Variants in NSUN6 observed in about 807,000 individuals in gnomAD.
NSUN6 encodes tRNA (cytosine(72)-C(5))-methyltransferase NSUN6.
In NSUN6, 64 loss-of-function variants were observed where a neutral mutation model predicts 58.0. The observed-to-expected ratio is 1.10, with a 90% CI of 0.90 to 1.36. The LOEUF is 1.36. NSUN6 is among the 40% of genes most tolerant of loss of function. The pLI is 0.00. For missense variants in NSUN6, 701 were observed against 550.1 expected (o/e 1.27, Z -2.74); for synonymous variants, 231 against 193.9 (o/e 1.19, Z -1.59).
chr10:18,545,977 T>A lies in NSUN6; in HGVS notation c.1366A>T (p.Ile456Leu). ...ACAAATTTTGCAATAAAAAAACCTA[T>A]AGAGTCCTTATTAGCCAGACGCAAC... ...DMLRLANKDS[I>L]GFFIAKFVKC... Residue 456 changes from isoleucine to leucine, a missense_variant, in exon 11 of 11, where the codon ATA becomes TTA. Physicochemically the swap from Ile to Leu is conservative, Grantham distance 5. Coordinates refer to ENST00000377304, the MANE Select transcript of NSUN6 (RefSeq NM_182543.5). 1 of 1,584,256 alleles carries A rather than the reference T, an allele frequency of 6.3e-7. No individual in the cohort carries two copies. Among genetic ancestry groups the A allele is most frequent in the Non-Finnish European group, 8.5e-7 (1 of 1,172,070 alleles).
chr10:18,546,992 C>T lies in NSUN6; in HGVS notation c.1198-847G>A, dbSNP rs1376455080. On this transcript the variant is annotated intron_variant, in intron 10 of 10. Transcript: ENST00000377304. ...AAAAAAGAAAGCAACAGAAAAAATT[C>T]AGCTTTATTTAACAGTTTCCAAAAC... 2.0e-5 allele frequency among the ~76,000 whole-genome samples: 3 copies of T among 151,966 alleles called. No homozygotes were observed. The East Asian group carries it at 5.8e-4, about 29-fold the overall frequency.
chr10:18,630,038 A>C (rs924988588), intron 3 of NSUN6, among the ~76,000 whole-genome samples: 11 of 148,574 alleles, frequency 7.4e-5, no homozygotes, highest in African/African-American at 1.7e-4. Flanking sequence ...AAAGAACAGA[A>C]ATTATAACAA....
chr10:18,609,897 A>G lies in NSUN6; in HGVS notation c.605T>C (p.Val202Ala), dbSNP rs2058172710. The change falls in exon 6 of 11, where the codon GTA becomes GCA. Residue 202 changes from valine to alanine, a missense_variant. By Grantham distance (64) the Val-to-Ala change is moderately conservative (BLOSUM62 0). Transcript: ENST00000377304. ...KGMGIRMTEP[V>A]YLSPSFDSVL... The stretch of plus-strand genomic sequence containing the variant: ...ACTGTCAAATGAAGGGCTGAGATAT[A>G]CTGGTTCTGTCATTCTTATGCCCAT... The G allele has an allele frequency of 1.2e-6, 2 of 1,604,568 alleles. No individual in the cohort carries two copies. The highest frequency in any genetic ancestry group is 1.3e-5 in the African/African-American group (1 of 74,746).
chr10:18,630,934 G>C (rs1370837069), intron 3 of NSUN6, among the ~76,000 whole-genome samples: 2 of 151,708 alleles, frequency 1.3e-5, no homozygotes, highest in Non-Finnish European at 2.9e-5. Context: ...ACCAAAGCTG[G>C]GCAGAGACAC....
At position 18,548,184 on chromosome 10, in the gene NSUN6, T is replaced by TA. The variant is rs2054397608; in HGVS notation, c.1124dup (p.Thr376AsnfsTer6). The stretch of plus-strand genomic sequence containing the variant: ...CCTGTTCTTCATTTTCGGCCAGTGT[T>TA]ATAGTGCACGTGCTATAAACCAGCA... On this transcript the variant is annotated frameshift_variant, in exon 10 of 11. Coordinates refer to ENST00000377304, the MANE Select transcript of NSUN6 (RefSeq NM_182543.5). LOFTEE classifies it high-confidence loss of function. The TA allele has an allele frequency of 2.5e-6, 4 of 1,613,700 alleles. No homozygotes were observed. The highest frequency in any genetic ancestry group is 2.7e-5 in the African/African-American group (2 of 74,920).
At chr10:18,610,342 C>G (rs543739580) in intron 5 of NSUN6, among the ~76,000 whole-genome samples, 1 of 151,884 alleles carries the variant, frequency 6.6e-6, no homozygotes, top group African/African-American at 2.4e-5. Context: ...GAGTGAAACT[C>G]CGTCTCAAAA....
chr10:18,558,486 G>A (rs920282204), intron 8 of NSUN6, among the ~76,000 whole-genome samples: 11 of 150,864 alleles, frequency 7.3e-5, no homozygotes, highest in African/African-American at 2.7e-4. Context: ...AAAAGGAATA[G>A]AATATGGAAT....
upstream of NSUN6, chr10:18,654,757 G>C (rs1042061635): frequency 3.3e-5 from 5 of 152,236 alleles, no homozygotes; most frequent in Admixed American, 3.3e-4. Flanking sequence ...GCACGTGCCT[G>C]TAGTCCCAGC....
chr10:18,580,003 G>A (rs1436980246), intron 8 of NSUN6, among the ~76,000 whole-genome samples: 2 of 151,852 alleles, frequency 1.3e-5, no homozygotes, highest in African/African-American at 2.4e-5. Context: ...TTTTCCTTTC[G>A]CACCTGTAAC....
At chr10:18,549,971 A>T (rs1318535777) in intron 9 of NSUN6, among the ~76,000 whole-genome samples, 1 of 152,218 alleles carries the variant, frequency 6.6e-6, no homozygotes, top group Non-Finnish European at 1.5e-5. Flanking sequence ...CTACTCAGAT[A>T]TAGAAAACAA....
At chr10:18,556,925 TG>T (rs1486663702) in intron 8 of NSUN6, among the ~76,000 whole-genome samples, 1 of 142,058 alleles carries the variant, frequency 7.0e-6, no homozygotes, top group African/African-American at 2.7e-5. Context: ...GAGAATGGTA[TG>T]GAACGGAATG....
intron 10 of NSUN6, among the ~76,000 whole-genome samples, chr10:18,547,098 C>T (rs1255531390): frequency 6.6e-6 from 1 of 151,916 alleles, no homozygotes; most frequent in Non-Finnish European, 1.5e-5. Flanking sequence ...GAAAAACAAA[C>T]ATAAGAAAGG....
intron 8 of NSUN6, among the ~76,000 whole-genome samples, chr10:18,575,149 G>C (rs1238489548): frequency 6.6e-6 from 1 of 152,148 alleles, no homozygotes; most frequent in Non-Finnish European, 1.5e-5. Flanking sequence ...TACATCAAGG[G>C]ACCAATTGGG....
At chr10:18,656,663 T>C (rs760006160), upstream of NSUN6, among the ~76,000 whole-genome samples, 1 of 152,220 alleles carries the variant, frequency 6.6e-6, no homozygotes, top group Non-Finnish European at 1.5e-5. Flanking sequence ...AAACATCTTA[T>C]AGTTTTATTT....
At chr10:18,630,828 G>A (rs1354902272) in intron 3 of NSUN6, among the ~76,000 whole-genome samples, 1 of 152,102 alleles carries the variant, frequency 6.6e-6, no homozygotes, top group Non-Finnish European at 1.5e-5. Flanking sequence ...AGAGGTACAA[G>A]GAGGAACTGG....
chr10:18,577,442 T>C (rs2056705856), intron 8 of NSUN6, among the ~76,000 whole-genome samples: 1 of 152,072 alleles, frequency 6.6e-6, no homozygotes. Flanking sequence ...TGGGTGTACT[T>C]CTTCTTCTTG....
intron 8 of NSUN6, among the ~76,000 whole-genome samples, chr10:18,558,919 T>C (rs1445632507): frequency 4.3e-5 from 6 of 138,532 alleles, no homozygotes; most frequent in African/African-American, 1.4e-4. Context: ...TGGAATGGAA[T>C]TGAGAATGGA....
intron 6 of NSUN6, among the ~76,000 whole-genome samples, chr10:18,598,378 T>A (rs2057678953): frequency 6.6e-6 from 1 of 152,248 alleles, no homozygotes; most frequent in South Asian, 2.1e-4. Context: ...TCTCTTCACA[T>A]GGACACGTGA....
chr10:18,602,501 T>A (rs536872843), intron 6 of NSUN6, among the ~76,000 whole-genome samples: 1 of 152,216 alleles, frequency 6.6e-6, no homozygotes, highest in South Asian at 2.1e-4. Context: ...CCCAAAGTGC[T>A]AGGATTACAG....
Sources: allele counts gnomAD v4.1 joint callset (sites outside exome capture counted in the v4.1 genomes callset), GRCh38; gene constraint gnomAD v4.1.1; transcripts MANE v1.5; gene names NCBI Gene and HGNC (gene_info 2026-07-23, HGNC 2026-07-21).